The following CCDC195 variants were observed in gnomAD, a reference collection of about 807,000 sequenced individuals.
CCDC195 encodes coiled-coil domain containing 195, also known as coiled-coil domain-containing protein 195.
chr2:224,707,970 TCTTCCCTCCCTCCCTCCCTCCCTCCCTC>T (rs1427720399), intron 2 of CCDC195, among the ~76,000 whole-genome samples: 2 of 50,388 alleles, frequency 4.0e-5, no homozygotes, highest in Admixed American at 1.7e-4. Flanking sequence ...CTCCCTCCCT[TCTTCCCTCCCTCCCTCCCTCCCTCCCTC>T]CCTTCCTTCC....
chr2:224,706,189 C>CTTTTTTTTTTTTTTTTATTTTTTTTT (rs1697238367), intron 2 of CCDC195, among the ~76,000 whole-genome samples: 1 of 33,340 alleles, frequency 3.0e-5, no homozygotes, highest in Non-Finnish European at 4.7e-5. Context: ...TATTTTGTAA[C>CTTTTTTTTTTTTTTTTATTTTTTTTT]TTTTTTTTTT....
rs201012911 is a variant in CCDC195 at position 224,706,189 on chromosome 2, C to CTTTTTTTTTTTTTTTTT, written c.483-2319_483-2303dup. 3.7e-3 allele frequency among the ~76,000 whole-genome samples: 124 copies of CTTTTTTTTTTTTTTTTT among 33,362 alleles called. 36 individuals carry two copies. The highest frequency in any genetic ancestry group is 4.2e-3 in the African/African-American group (27 of 6,376). 21.9% of individuals were successfully genotyped at this position (33,362 alleles called of 152,430 possible). A position where few individuals can be genotyped will look rare whatever the true frequency, so the allele number is the denominator to read the frequency against. ...TGTATATTGCCTCTATATTTTGTAACTTTTTTTTTTTTTTTTTTTTTTTTT... is the reference window on the plus strand; with the variant it reads ...TGTATATTGCCTCTATATTTTGTAACTTTTTTTTTTTTTTTTTTTTTTTTTTTTTTTTTTTTTTTTTT... On this transcript the variant is annotated intron_variant, in intron 2 of 2. Transcript: ENST00000638102.
At chr2:224,713,976 T>G (rs1170041875) in intron 1 of CCDC195, among the ~76,000 whole-genome samples, 5 of 151,926 alleles carry the variant, frequency 3.3e-5, no homozygotes, top group Non-Finnish European at 7.4e-5. Context: ...TTTTCCTGGC[T>G]AATCCTTTTC....
At chr2:224,703,958 T>C (rs530739251) in intron 2 of CCDC195, 71 bp from the exon 3 acceptor site, 19 of 397,398 alleles carry the variant, frequency 4.8e-5, no homozygotes, top group African/African-American at 2.7e-4. Context: ...TGATGATTTT[T>C]CCCCCCAATC....
At chr2:224,708,696 G>T (rs1171673696) in intron 2 of CCDC195, among the ~76,000 whole-genome samples, 1 of 152,136 alleles carries the variant, frequency 6.6e-6, no homozygotes, top group Non-Finnish European at 1.5e-5. Flanking sequence ...CTTGCTTATG[G>T]TTATCTCTTG....
intron 1 of CCDC195, 33 bp downstream of exon 1, chr2:224,716,098 C>T (rs1431781198): frequency 5.0e-6 from 2 of 398,248 alleles, no homozygotes; most frequent in African/African-American, 2.1e-5. Context: ...GCAAAATGGG[C>T]ACAGCCCACA....
intron 2 of CCDC195, among the ~76,000 whole-genome samples, chr2:224,705,410 G>A (rs1697229324): frequency 1.3e-5 from 2 of 152,084 alleles, no homozygotes; most frequent in South Asian, 4.1e-4. Flanking sequence ...TTAAAATCCT[G>A]TTTTTAGTTT....
chr2:224,711,361 G>GTTTTTT (rs563860657), intron 1 of CCDC195, among the ~76,000 whole-genome samples: 130 of 138,096 alleles, frequency 9.4e-4, no homozygotes, highest in African/African-American at 3.3e-3. Flanking sequence ...AATCTTCCCT[G>GTTTTTT]TTTTTTTTTT....
intron 1 of CCDC195, among the ~76,000 whole-genome samples, chr2:224,710,507 G>T (rs375285306): frequency 6.6e-6 from 1 of 152,054 alleles, no homozygotes; most frequent in Non-Finnish European, 1.5e-5. Flanking sequence ...GCGTGGTGGC[G>T]GGCACCTGTA....
chr2:224,704,512 G>C (rs1385427497), intron 2 of CCDC195, among the ~76,000 whole-genome samples: 2 of 150,786 alleles, frequency 1.3e-5, no homozygotes, highest in African/African-American at 4.9e-5. Flanking sequence ...TCTTTTGTGG[G>C]AACAAAGAGG....
intron 1 of CCDC195, among the ~76,000 whole-genome samples, chr2:224,715,603 C>A (rs187641926): frequency 6.6e-6 from 1 of 152,352 alleles, no homozygotes; most frequent in Non-Finnish European, 1.5e-5. Context: ...TTAATCCTCA[C>A]AACCTTGTGA....
At chr2:224,706,364 C>T (rs1697240900) in intron 2 of CCDC195, among the ~76,000 whole-genome samples, 1 of 151,170 alleles carries the variant, frequency 6.6e-6, no homozygotes, top group South Asian at 2.1e-4. Flanking sequence ...ACCGCCACAC[C>T]TGGCTAAGTT....
intron 2 of CCDC195, among the ~76,000 whole-genome samples, chr2:224,704,413 A>G (rs1697213019): frequency 6.6e-6 from 1 of 152,164 alleles, no homozygotes; most frequent in Non-Finnish European, 1.5e-5. Flanking sequence ...AAAATATTAC[A>G]TAGAATTTAG....
At chr2:224,704,610 C>CTTTTTTTTTTTTTT (rs55801561) in intron 2 of CCDC195, among the ~76,000 whole-genome samples, 16 of 110,618 alleles carry the variant, frequency 1.4e-4, no homozygotes, top group East Asian at 5.6e-4. Flanking sequence ...CTTTTCTTTT[C>CTTTTTTTTTTTTTT]TTTTTTTTTT....
chr2:224,715,087 C>A (rs762972918), intron 1 of CCDC195, among the ~76,000 whole-genome samples: 2 of 152,038 alleles, frequency 1.3e-5, no homozygotes, highest in African/African-American at 2.4e-5. Flanking sequence ...CGCCACCACG[C>A]CTGACTAATT....
intron 2 of CCDC195, among the ~76,000 whole-genome samples, chr2:224,706,030 T>G (rs566780881): frequency 6.6e-6 from 1 of 152,118 alleles, no homozygotes; most frequent in Non-Finnish European, 1.5e-5. Context: ...GAGAATGGTT[T>G]AAGTGCAAAA....
chr2:224,706,691 G>A (rs529906131), intron 2 of CCDC195, among the ~76,000 whole-genome samples: 9 of 150,882 alleles, frequency 6.0e-5, no homozygotes, highest in Non-Finnish European at 1.0e-4. Flanking sequence ...TTGTATTTTA[G>A]TAGAGATGGG....
intron 2 of CCDC195, among the ~76,000 whole-genome samples, chr2:224,708,215 C>G (rs572139459): frequency 3.1e-4 from 47 of 152,218 alleles, no homozygotes; most frequent in Middle Eastern, 3.4e-3. Flanking sequence ...CTTTTTGAAT[C>G]TATTGGTGCA....
intron 1 of CCDC195, among the ~76,000 whole-genome samples, chr2:224,710,805 A>G (rs1400608338): frequency 1.3e-5 from 2 of 152,192 alleles, no homozygotes; most frequent in Non-Finnish European, 2.9e-5. Flanking sequence ...ACAATAGATG[A>G]TAGAATTCAC....
Sources: allele counts gnomAD v4.1 joint callset (sites outside exome capture counted in the v4.1 genomes callset), GRCh38; gene constraint gnomAD v4.1.1; transcripts MANE v1.5; gene names NCBI Gene and HGNC (gene_info 2026-07-23, HGNC 2026-07-21).